Variants in RP1 observed in about 807,000 individuals in gnomAD.
RP1 encodes the protein RP1 axonemal microtubule associated.
In RP1, 16 loss-of-function variants were observed where a neutral mutation model predicts 14.8. That is an observed-to-expected ratio of 1.08 (90% CI 0.73 to 1.65). The LOEUF (loss-of-function observed/expected upper bound fraction) is 1.65, where lower values mean the gene tolerates loss of function less well. Among genes scored for constraint, RP1 ranks in the 40% most tolerant of loss-of-function variants. RP1 has a pLI of 0.00. For missense variants in RP1, 2,631 were observed against 2,535.0 expected (o/e 1.04, Z -0.81); for synonymous variants, 876 against 883.6 (o/e 0.99, Z 0.15).
intron 21 of RP1, chr8:54,758,858 T>G (rs1273945616): frequency 1.7e-5 from 25 of 1,462,302 alleles, no homozygotes; most frequent in Admixed American, 6.0e-5. Flanking sequence ...TATTATTGCC[T>G]GCATTTGTCA....
At chr8:54,847,073 G>A (rs1435245717) in intron 25 of RP1, among the ~76,000 whole-genome samples, 1 of 152,136 alleles carries the variant, frequency 6.6e-6, no homozygotes, top group African/African-American at 2.4e-5. Context: ...CTGCCCCCAA[G>A]ATCCAACCCT....
intron 24 of RP1, among the ~76,000 whole-genome samples, chr8:54,829,678 A>G (rs1197748710): frequency 6.6e-6 from 1 of 152,188 alleles, no homozygotes; most frequent in Admixed American, 6.5e-5. Context: ...AAAAATACAG[A>G]AAGATCAACA....
At chr8:54,706,329 C>G (rs1808148854) in intron 14 of RP1, 1 of 1,035,484 alleles carries the variant, frequency 9.7e-7, no homozygotes, top group South Asian at 1.6e-5. Flanking sequence ...TTTCAGCCAC[C>G]AAGCCTCCTG....
At chr8:54,693,968 C>G (rs1389399675) in intron 12 of RP1, among the ~76,000 whole-genome samples, 1 of 152,032 alleles carries the variant, frequency 6.6e-6, no homozygotes, top group Non-Finnish European at 1.5e-5. Context: ...TCATAGATAG[C>G]TCTTATTATT....
Position 54,655,957 on chromosome 8 carries a change from AATT to A in RP1, c.1039-123_1039-121del. ...GTAAAAGAAGAAATTAGCACTGTCA[AATT>A]ATCAACAGTTTCTCATATTAAAAAT... On this transcript the variant is annotated intron_variant, in intron 5 of 22. Transcript: ENST00000636932. 5 of 608,970 alleles carry A rather than the reference AATT, an allele frequency of 8.2e-6. No individual in the cohort carries two copies. In the South Asian group the frequency reaches 1.5e-4, roughly 19 times the overall value. The allele number at this position is 608,970 out of a possible 1,614,324, so 37.7% of individuals were successfully genotyped here. A position where few individuals can be genotyped will look rare whatever the true frequency, so the allele number is the denominator to read the frequency against.
intron 25 of RP1, among the ~76,000 whole-genome samples, chr8:54,850,730 G>T (rs1010401684): frequency 4.6e-5 from 7 of 152,170 alleles, no homozygotes; most frequent in African/African-American, 1.7e-4. Context: ...AAGAAAAAAA[G>T]TCTGAAATAA....
intron 24 of RP1, among the ~76,000 whole-genome samples, chr8:54,807,647 T>TATC (rs1224525281): frequency 1.8e-5 from 1 of 54,786 alleles, no homozygotes; most frequent in South Asian, 5.7e-4. Context: ...TCTATCTATC[T>TATC]ATCTATCTAT....
intron 24 of RP1, among the ~76,000 whole-genome samples, chr8:54,798,376 C>T (rs1345941214): frequency 6.6e-6 from 1 of 151,996 alleles, no homozygotes; most frequent in Non-Finnish European, 1.5e-5. Flanking sequence ...TTTCATTTGC[C>T]CAAGGTAATG....
intron 12 of RP1, among the ~76,000 whole-genome samples, chr8:54,683,521 T>A (rs909311677): frequency 6.6e-6 from 1 of 152,102 alleles, no homozygotes; most frequent in African/African-American, 2.4e-5. Context: ...TCCTTCACTT[T>A]CCTTGTTAGC....
intron 17 of RP1, chr8:54,726,485 C>T (rs985939190): frequency 3.4e-5 from 51 of 1,520,894 alleles, no homozygotes; most frequent in Non-Finnish European, 4.3e-5. Context: ...AAGTAAGCCA[C>T]AGCTTTTGCT....
At chr8:54,790,456 C>G (rs897210144) in intron 24 of RP1, among the ~76,000 whole-genome samples, 1 of 151,714 alleles carries the variant, frequency 6.6e-6, no homozygotes, top group Non-Finnish European at 1.5e-5. Context: ...CATGAAACTA[C>G]CAAAGAAGAA....
chr8:54,815,521 A>C (rs920893777), intron 24 of RP1, among the ~76,000 whole-genome samples: 2 of 152,222 alleles, frequency 1.3e-5, no homozygotes, highest in African/African-American at 4.8e-5. Context: ...TATTCCTTAC[A>C]TAAAATGTGA....
At chr8:54,598,178 A>AT (rs1208685610) in intron 1 of RP1, among the ~76,000 whole-genome samples, 2 of 151,970 alleles carry the variant, frequency 1.3e-5, no homozygotes, top group African/African-American at 4.8e-5. Flanking sequence ...CTGCCATATT[A>AT]TTTTTTGTTT....
chr8:54,627,829 C>T lies in RP1; in HGVS notation c.3947C>T (p.Ala1316Val), dbSNP rs746666137. The T allele has an allele frequency of 7.2e-5, 116 of 1,614,014 alleles. 2 individuals carry two copies. The South Asian group carries it at 1.2e-3, about 17-fold the overall frequency. Reference protein sequence around the residue: ...TDTVFSDKACAQKENHTYEGA... With the variant: ...TDTVFSDKACVQKENHTYEGA... ...ACTGTGTTTTCTGATAAGGCTTGTGCTCAAAAGGAGAACCATACCTATGAG... is the reference window on the plus strand; with the variant it reads ...ACTGTGTTTTCTGATAAGGCTTGTGTTCAAAAGGAGAACCATACCTATGAG... Residue 1316 changes from alanine (A) to valine (V), a missense_variant, in exon 4 of 4, where the codon GCT (alanine) becomes GTT (valine). By Grantham distance (64) the Ala-to-Val change is moderately conservative. Coordinates refer to ENST00000220676, the MANE Select transcript of RP1 (RefSeq NM_006269.2).
At chr8:54,649,191 C>T (rs1242617837) in intron 4 of RP1, 1 of 1,374,232 alleles carries the variant, frequency 7.3e-7, no homozygotes, top group African/African-American at 1.5e-5. Context: ...ATAAGTGATA[C>T]ACCTAGTAGG....
chr8:54,728,383 A>G (rs529456804), intron 17 of RP1, among the ~76,000 whole-genome samples: 8 of 152,286 alleles, frequency 5.3e-5, no homozygotes, highest in East Asian at 3.9e-4. Context: ...TTAGCCATTC[A>G]TATTAAAATA....
intron 12 of RP1, among the ~76,000 whole-genome samples, chr8:54,691,894 C>T (rs1310613153): frequency 1.3e-5 from 2 of 151,772 alleles, no homozygotes; most frequent in African/African-American, 2.4e-5. Flanking sequence ...TATACATGTG[C>T]CATGTTCGTG....
intron 12 of RP1, among the ~76,000 whole-genome samples, chr8:54,681,889 C>T (rs2129335998): frequency 6.6e-6 from 1 of 152,262 alleles, no homozygotes; most frequent in South Asian, 2.1e-4. Context: ...CTTTTTATGG[C>T]TGCATAGTAT....
chr8:54,734,715 T>C, exon 18 of RP1: 1 of 1,534,316 alleles, frequency 6.5e-7, no homozygotes, highest in East Asian at 2.4e-5. Context: ...AGAGCAGCTC[T>C]TCCTTCCAGG....
Sources: allele counts gnomAD v4.1 joint callset (sites outside exome capture counted in the v4.1 genomes callset), GRCh38; gene constraint gnomAD v4.1.1; transcripts MANE v1.5; gene names NCBI Gene and HGNC (gene_info 2026-07-23, HGNC 2026-07-21).